The following ARHGEF4 variants were observed in gnomAD, a reference collection of about 807,000 sequenced individuals.
The protein encoded by ARHGEF4 is APC-stimulated guanine nucleotide exchange factor 1.
Under a neutral mutation model 162.0 loss-of-function variants are expected in ARHGEF4, and 119 were observed. The ratio of observed to expected loss-of-function variants is 0.73; its 90% confidence interval spans 0.63 to 0.86. ARHGEF4 has a LOEUF of 0.86. ARHGEF4 is among the 40% of genes least tolerant of loss of function. The probability of loss-of-function intolerance (pLI) is 0.00; values close to 1 mark genes in which losing one functional copy is unlikely to be tolerated. For missense variants in ARHGEF4, 2,488 were observed against 2,456.0 expected (o/e 1.01, Z -0.28); for synonymous variants, 1,014 against 979.9 (o/e 1.03, Z -0.65).
Position 130,958,025 on chromosome 2 carries a change from AAAG to A in ARHGEF4, c.3985+11393_3985+11395del, listed in dbSNP as rs869200154. On this transcript the variant is annotated intron_variant, in intron 4 of 13. Coordinates refer to ENST00000409359, the MANE Select transcript of ARHGEF4 (RefSeq NM_001367493.1). ...AGTTTTTAAAAGGAACAAAAAAAAA[AAAG>A]AAAGAAGCAGGGGTAAAGGCTCCCC... Among the ~76,000 whole-genome samples the A allele has an allele frequency of 4.1e-3, 621 of 151,812 alleles. 4 individuals are homozygous for A. The highest frequency in any genetic ancestry group is 0.014 in the African/African-American group (582 of 41,282).
chr2:130,955,634 G>A (rs1291476731), intron 4 of ARHGEF4, among the ~76,000 whole-genome samples: 2 of 152,066 alleles, frequency 1.3e-5, no homozygotes, highest in African/African-American at 2.4e-5. Flanking sequence ...CCACTCATTG[G>A]TTGCTGATTG....
chr2:130,877,498 T>G (rs1193629231), intron 1 of ARHGEF4, among the ~76,000 whole-genome samples: 4 of 152,134 alleles, frequency 2.6e-5, no homozygotes, highest in Admixed American at 6.5e-5. Flanking sequence ...TCATGCCTCC[T>G]GGAGCCGTGC....
Position 130,913,988 on chromosome 2 carries a change from T to C in ARHGEF4, c.42T>C (p.Thr14=). 6.5e-7 allele frequency: 1 copy of C among 1,535,982 alleles called. No homozygotes were observed. Among genetic ancestry groups the C allele is most frequent in the Non-Finnish European group, 8.7e-7 (1 of 1,146,888 alleles). Residue 14 remains threonine, a splice_region_variant and synonymous_variant, in exon 2 of 14, where the codon ACT becomes ACC. Coordinates refer to ENST00000409359, the MANE Select transcript of ARHGEF4 (RefSeq NM_001367493.1). ...VVHFLRSFFK[T]PEPGAHLPGE... ...CTCCTCTCTTCTTGCCCTCCCAGAC[T>C]CCAGAGCCAGGTGCACACCTGCCAG...
chr2:130,850,694 C>T (rs529215812), intron 1 of ARHGEF4, among the ~76,000 whole-genome samples: 1 of 152,344 alleles, frequency 6.6e-6, no homozygotes, highest in African/African-American at 2.4e-5. Flanking sequence ...ACCCCATGTC[C>T]CTACCTTCAG....
At chr2:131,039,475 G>T in intron 6 of ARHGEF4, 1 of 1,022,694 alleles carries the variant, frequency 9.8e-7, no homozygotes. Context: ...ATCTAAGGGG[G>T]TCTCCAGTCT....
At chr2:131,034,729 C>T (rs1207874232) in intron 5 of ARHGEF4, among the ~76,000 whole-genome samples, 1 of 152,158 alleles carries the variant, frequency 6.6e-6, no homozygotes, top group African/African-American at 2.4e-5. Context: ...CATCCCCGAG[C>T]GCCCCCGTGG....
At chr2:130,875,187 T>C (rs1367446328) in intron 1 of ARHGEF4, among the ~76,000 whole-genome samples, 1 of 152,192 alleles carries the variant, frequency 6.6e-6, no homozygotes, top group Non-Finnish European at 1.5e-5. Context: ...CCCTTAGGGC[T>C]TTTCCATCAG....
chr2:130,852,639 C>T (rs1681490787), intron 1 of ARHGEF4, among the ~76,000 whole-genome samples: 1 of 152,198 alleles, frequency 6.6e-6, no homozygotes, highest in Non-Finnish European at 1.5e-5. Flanking sequence ...GGCGAGCGAG[C>T]ACGATGTGCA....
intron 4 of ARHGEF4, among the ~76,000 whole-genome samples, chr2:130,995,594 G>A (rs916416324): frequency 5.3e-5 from 8 of 152,182 alleles, no homozygotes; most frequent in Admixed American, 5.2e-4. Context: ...AATACTTTAT[G>A]ACAATAATTT....
At chr2:131,020,054 C>A (rs868274081) in intron 4 of ARHGEF4, among the ~76,000 whole-genome samples, 62 of 152,248 alleles carry the variant, frequency 4.1e-4, no homozygotes, top group African/African-American at 1.3e-3. Context: ...ATTCTGTAGC[C>A]TTGCTGAATT....
intron 8 of ARHGEF4, among the ~76,000 whole-genome samples, chr2:131,040,984 A>G (rs1243847334): frequency 6.6e-6 from 1 of 152,092 alleles, no homozygotes; most frequent in Non-Finnish European, 1.5e-5. Flanking sequence ...CCTTGTTATC[A>G]TGGATTTCAC....
chr2:130,868,524 G>A (rs1011650140), intron 1 of ARHGEF4, among the ~76,000 whole-genome samples: 3 of 152,060 alleles, frequency 2.0e-5, no homozygotes, highest in Admixed American at 6.6e-5. Flanking sequence ...GGGAGAAAGC[G>A]TGGTGTCTTT....
chr2:131,042,657 G>A (rs2105415707), intron 10 of ARHGEF4, among the ~76,000 whole-genome samples: 1 of 152,300 alleles, frequency 6.6e-6, no homozygotes, highest in South Asian at 2.1e-4. Flanking sequence ...CCTGGGGCGG[G>A]GCTGAGGAAT....
chr2:131,012,299 T>C (rs1688504684), intron 4 of ARHGEF4, among the ~76,000 whole-genome samples: 1 of 152,122 alleles, frequency 6.6e-6, no homozygotes, highest in African/African-American at 2.4e-5. Flanking sequence ...ATCAGGCATC[T>C]CAGCAGAGGG....
chr2:130,959,448 A>G (rs746627115), intron 4 of ARHGEF4, among the ~76,000 whole-genome samples: 4 of 152,194 alleles, frequency 2.6e-5, no homozygotes, highest in Admixed American at 6.5e-5. Flanking sequence ...CAATTCCACC[A>G]CTTCTGAGCG....
intron 1 of ARHGEF4, among the ~76,000 whole-genome samples, chr2:130,896,035 GTTTA>G (rs540672490): frequency 1.2e-4 from 18 of 151,936 alleles, no homozygotes; most frequent in East Asian, 1.9e-4. Context: ...ATTTGGTGGG[GTTTA>G]TTTATTTATT....
chr2:130,872,260 G>A (rs114422387), intron 1 of ARHGEF4, among the ~76,000 whole-genome samples: 2,781 of 152,302 alleles, frequency 0.018, 82 homozygotes, highest in African/African-American at 0.064. Flanking sequence ...GAGAGGGTGT[G>A]TGAGCGACAT....
At chr2:130,864,196 A>C (rs952288238) in intron 1 of ARHGEF4, among the ~76,000 whole-genome samples, 70 of 148,378 alleles carry the variant, frequency 4.7e-4, no homozygotes, top group Admixed American at 7.9e-4. Context: ...AAAGAAAGAA[A>C]GAAAGAAAAA....
chr2:130,917,079 G>A lies in ARHGEF4; in HGVS notation c.3133G>A (p.Gly1045Ser). The A allele has an allele frequency of 1.3e-6, 2 of 1,550,686 alleles. No homozygotes were observed. The highest frequency in any genetic ancestry group is 8.7e-7 in the Non-Finnish European group (1 of 1,147,010). The change falls in exon 2 of 14, where the codon GGT becomes AGT. Residue 1045 changes from glycine to serine, a missense_variant. By Grantham distance (56) the Gly-to-Ser change is moderately conservative (BLOSUM62 0). Around this residue, in one of 6 missense-constraint regions of ARHGEF4, gnomAD observed 1,642 missense variants for 1,481.5 expected, o/e 1.11. Transcript: ENST00000409359. Reference protein sequence around the residue: ...TQEGGRYLPSGIFPEKSWLAS... With the variant: ...TQEGGRYLPSSIFPEKSWLAS... ...GGAAGGCGGTAGGTACCTACCTTCA[G>A]GTATCTTTCCGGAAAAGTCCTGGCT... is the stretch of plus-strand genomic sequence containing the variant.
Sources: gnomAD v4.1 joint callset for allele counts (sites outside exome capture counted in the v4.1 genomes callset) on GRCh38, gnomAD v4.1.1 for gene constraint, gnomAD v4.1.1 regional missense constraint, MANE v1.5 for transcripts, NCBI Gene and HGNC (gene_info 2026-07-23, HGNC 2026-07-21) for gene names.